Variants in EPHB1 observed in about 807,000 individuals in gnomAD.
EPHB1 encodes the protein ephrin type-B receptor 1.
EPHB1 carries 30 observed loss-of-function variants against 94.4 expected under a neutral mutation model. The ratio of observed to expected loss-of-function variants is 0.32; its 90% CI spans 0.24 to 0.43. The LOEUF is 0.43. Among genes scored for constraint, EPHB1 ranks in the 20% least tolerant of loss-of-function variants. The pLI is 1.00. For missense variants in EPHB1, 1,055 were observed against 1,308.3 expected (o/e 0.81, Z 2.99); for synonymous variants, 522 against 489.1 (o/e 1.07, Z -0.89).
intron 3 of EPHB1, among the ~76,000 whole-genome samples, chr3:134,972,524 T>TTATTATAAATATATATTATTATA (rs1934017140): frequency 9.7e-5 from 10 of 103,602 alleles, no homozygotes; most frequent in African/African-American, 3.9e-4. Flanking sequence ...TATTATATAT[T>TTATTATAAATATATATTATTATA]TATTATAAAT....
chr3:134,884,082 C>T (rs1301979757), intron 1 of EPHB1, among the ~76,000 whole-genome samples: 1 of 152,192 alleles, frequency 6.6e-6, no homozygotes, highest in Non-Finnish European at 1.5e-5. Context: ...TGCCCTGCCC[C>T]ATGCCACCAC....
At chr3:134,995,463 A>G (rs908834097) in intron 3 of EPHB1, among the ~76,000 whole-genome samples, 1 of 152,148 alleles carries the variant, frequency 6.6e-6, no homozygotes, top group Non-Finnish European at 1.5e-5. Flanking sequence ...ATTCATGTAC[A>G]TGTTTTTTTA....
At chr3:134,922,080 G>A (rs567938102) in intron 1 of EPHB1, among the ~76,000 whole-genome samples, 27 of 152,312 alleles carry the variant, frequency 1.8e-4, no homozygotes, top group African/African-American at 3.4e-4. Context: ...TCCCAGAGTC[G>A]TGTCCTCTGC....
chr3:134,996,130 A>G (rs974384707), intron 3 of EPHB1, among the ~76,000 whole-genome samples: 2 of 152,170 alleles, frequency 1.3e-5, no homozygotes, highest in Admixed American at 6.5e-5. Flanking sequence ...ATAATAATCA[A>G]CAATATCTAC....
chr3:135,139,544 A>G (rs13099938), intron 5 of EPHB1, among the ~76,000 whole-genome samples: 1 of 152,206 alleles, frequency 6.6e-6, no homozygotes, highest in Non-Finnish European at 1.5e-5. Context: ...CACTGGGAAC[A>G]CAGCAGCAAA....
chr3:134,851,769 C>T (rs969813931), intron 1 of EPHB1, among the ~76,000 whole-genome samples: 2 of 152,192 alleles, frequency 1.3e-5, no homozygotes, highest in African/African-American at 4.8e-5. Flanking sequence ...CTCTTTGTTA[C>T]ACATTTAATG....
chr3:135,178,317 G>A (rs945781528), intron 9 of EPHB1, among the ~76,000 whole-genome samples: 2 of 151,720 alleles, frequency 1.3e-5, no homozygotes, highest in South Asian at 2.1e-4. Context: ...TTAGCTAGGC[G>A]TGGTGGTGCA....
At chr3:134,882,765 C>CTTTCCTT (rs1553861895) in intron 1 of EPHB1, among the ~76,000 whole-genome samples, 2 of 79,930 alleles carry the variant, frequency 2.5e-5, no homozygotes, top group Non-Finnish European at 5.3e-5. Flanking sequence ...TTCCTTCCTT[C>CTTTCCTT]CTTTCTTTCT....
At chr3:135,028,633 C>G (rs62273111) in intron 3 of EPHB1, among the ~76,000 whole-genome samples, 42,686 of 133,348 alleles carry the variant, frequency 0.32, 6,741 homozygotes, top group Non-Finnish European at 0.37. Flanking sequence ...CTGAGGAGAG[C>G]TTTACTTCCA....
intron 3 of EPHB1, among the ~76,000 whole-genome samples, chr3:134,991,090 A>G (rs1934778974): frequency 6.6e-6 from 1 of 151,916 alleles, no homozygotes; most frequent in African/African-American, 2.4e-5. Flanking sequence ...TTGAGAATGA[A>G]TTTGCATATT....
chr3:135,055,552 G>A (rs932095559), intron 3 of EPHB1, among the ~76,000 whole-genome samples: 3 of 152,196 alleles, frequency 2.0e-5, no homozygotes, highest in African/African-American at 7.2e-5. Flanking sequence ...TTTGAACCTG[G>A]GCAGTCTGCT....
rs569669730 is a variant in EPHB1, at chr3:135,202,922, T to C, written c.2346+1233T>C. 7.9e-5 allele frequency among the ~76,000 whole-genome samples: 12 copies of C among 152,328 alleles called. No individual in the cohort carries two copies. In the South Asian group the frequency reaches 1.7e-3, roughly 21 times the overall value. On this transcript the variant is annotated intron_variant, in intron 12 of 15. Coordinates refer to ENST00000398015, the MANE Select transcript of EPHB1 (RefSeq NM_004441.5). The stretch of plus-strand genomic sequence containing the variant: ...TCTACTATAAAGACACATGCACATG[T>C]ATGTTTTTTGCAGCACTATTCTCAA...
chr3:134,874,908 G>A (rs1029464701), intron 1 of EPHB1, among the ~76,000 whole-genome samples: 7 of 152,192 alleles, frequency 4.6e-5, no homozygotes, highest in East Asian at 1.9e-4. Context: ...CATACCAGGC[G>A]GAGCTTGCAT....
chr3:135,128,672 CT>C (rs1490581792), intron 4 of EPHB1, among the ~76,000 whole-genome samples: 1 of 152,094 alleles, frequency 6.6e-6, no homozygotes, highest in Non-Finnish European at 1.5e-5. Context: ...ATTTATTTCT[CT>C]GTTTCCTTCT....
In EPHB1 at chr3:134,882,012, T is replaced by G. The variant is rs561726679; in HGVS notation, c.59-43804T>G. 9.2e-5 allele frequency among the ~76,000 whole-genome samples: 14 copies of G among 152,358 alleles called. No homozygotes were observed. In the East Asian group the frequency reaches 2.3e-3, roughly 25 times the overall value. ...ATGGGAGCTGTCCAACAATATTATT[T>G]GGGATGCATCCAAGACTGTAATCAG... is the stretch of plus-strand genomic sequence containing the variant. On this transcript the variant is annotated intron_variant, in intron 1 of 15. Transcript: ENST00000398015.
intron 3 of EPHB1, among the ~76,000 whole-genome samples, chr3:134,962,775 G>A (rs762341012): frequency 3.3e-5 from 5 of 151,428 alleles, no homozygotes; most frequent in Non-Finnish European, 5.9e-5. Flanking sequence ...TTCCTAGATC[G>A]CCAGCCCTCT....
intron 1 of EPHB1, among the ~76,000 whole-genome samples, chr3:134,874,369 G>A (rs542758463): frequency 1.3e-5 from 2 of 152,122 alleles, no homozygotes; most frequent in Non-Finnish European, 2.9e-5. Context: ...CTATTGGGGG[G>A]TGGAGGGTGA....
intron 1 of EPHB1, among the ~76,000 whole-genome samples, chr3:134,899,042 G>A (rs1014054695): frequency 2.0e-5 from 3 of 152,156 alleles, no homozygotes; most frequent in Non-Finnish European, 2.9e-5. Flanking sequence ...TCTCCCAATA[G>A]ATGAGGAAAA....
At chr3:135,171,822 C>T (rs1941811297) in intron 9 of EPHB1, among the ~76,000 whole-genome samples, 2 of 152,122 alleles carry the variant, frequency 1.3e-5, no homozygotes, top group Admixed American at 1.3e-4. Flanking sequence ...TAGTTTCATC[C>T]CCCTAACAGC....
Sources: allele counts gnomAD v4.1 joint callset (sites outside exome capture counted in the v4.1 genomes callset), GRCh38; gene constraint gnomAD v4.1.1; transcripts MANE v1.5; gene names NCBI Gene and HGNC (gene_info 2026-07-23, HGNC 2026-07-21).